MTMR12: variants seen among roughly 807,000 people sequenced by gnomAD.
MTMR12 encodes myotubularin-related protein 12.
MTMR12 carries 33 observed loss-of-function variants against 96.7 expected under a neutral mutation model. That is an observed-to-expected ratio of 0.34 (90% CI 0.26 to 0.46). MTMR12 has a LOEUF of 0.46. Ranked by LOEUF, MTMR12 falls within the 20% of genes least tolerant of loss-of-function variation. MTMR12 has a pLI of 1.00. For synonymous variants in MTMR12, 298 were observed against 327.2 expected, an observed-to-expected ratio of 0.91 and a Z score of 0.96; for missense variants, 721 against 896.1, an observed-to-expected ratio of 0.80 and a Z score of 2.49.
chr5:32,304,949 T>A (rs1216505881), intron 1 of MTMR12, among the ~76,000 whole-genome samples: 1 of 152,140 alleles, frequency 6.6e-6, no homozygotes, highest in Non-Finnish European at 1.5e-5. Context: ...AAAGTGACCA[T>A]CTCTGGAGAG....
chr5:32,295,344 T>C (rs1750885199), intron 1 of MTMR12, among the ~76,000 whole-genome samples: 1 of 152,254 alleles, frequency 6.6e-6, no homozygotes, highest in Admixed American at 6.5e-5. Context: ...AGTAAGAGGC[T>C]AACTGACAAC....
At chr5:32,250,152 C>G (rs1049484986) in intron 8 of MTMR12, among the ~76,000 whole-genome samples, 1 of 152,090 alleles carries the variant, frequency 6.6e-6, no homozygotes, top group South Asian at 2.1e-4. Context: ...CAAAGGGGAA[C>G]TGGTTCGGGA....
intron 1 of MTMR12, among the ~76,000 whole-genome samples, chr5:32,295,048 C>T (rs1750874432): frequency 6.6e-6 from 1 of 152,136 alleles, no homozygotes; most frequent in East Asian, 1.9e-4. Flanking sequence ...TGAATGAATC[C>T]ATCTACTATC....
At chr5:32,232,890 T>G in intron 15 of MTMR12, 1 of 908,230 alleles carries the variant, frequency 1.1e-6, no homozygotes, top group Non-Finnish European at 1.3e-6. Context: ...CCAGGCTTTC[T>G]GAAGCCCTCC....
intron 10 of MTMR12, among the ~76,000 whole-genome samples, chr5:32,245,399 T>C (rs1345133254): frequency 1.3e-5 from 2 of 152,216 alleles, no homozygotes; most frequent in African/African-American, 4.8e-5. Flanking sequence ...ACTTTTAAGG[T>C]AGATGCCTAA....
chr5:32,288,923 TGA>T (rs1750645471), intron 1 of MTMR12, among the ~76,000 whole-genome samples: 1 of 152,178 alleles, frequency 6.6e-6, no homozygotes, highest in Non-Finnish European at 1.5e-5. Context: ...GATATATCCT[TGA>T]CCAATGCTTT....
chr5:32,304,998 C>T (rs185625054), intron 1 of MTMR12, among the ~76,000 whole-genome samples: 11 of 152,272 alleles, frequency 7.2e-5, no homozygotes, highest in African/African-American at 1.7e-4. Context: ...ATGACCTCCA[C>T]GCTCAAAGAG....
In MTMR12 at chr5:32,233,849, T is replaced by C. The variant is rs1338038297; in HGVS notation, c.1598A>G (p.Gln533Arg). The change falls in exon 15 of 16, where the codon CAG becomes CGG. Residue 533 changes from glutamine (Q) to arginine (R), a missense_variant. Coordinates refer to ENST00000382142, the MANE Select transcript of MTMR12 (RefSeq NM_001040446.3). The surrounding 1 kb of genome is among the most constrained non-coding windows in gnomAD (Gnocchi z 5.0). ...DWSVQFEPKA[Q>R]TLLKNPLYVE... is the part of the protein sequence containing the mutation. ...ATAAAGAGGGTTTTTGAGCAATGTCTGGGCTTTGGGTTCAAACTGCACCGA... is the reference window on the plus strand; with the variant it reads ...ATAAAGAGGGTTTTTGAGCAATGTCCGGGCTTTGGGTTCAAACTGCACCGA... 1 of 1,614,198 alleles carries C rather than the reference T, an allele frequency of 6.2e-7. No homozygotes were observed. Among genetic ancestry groups the C allele is most frequent in the South Asian group, 1.1e-5 (1 of 91,082 alleles).
intron 14 of MTMR12, among the ~76,000 whole-genome samples, chr5:32,234,420 G>A (rs971199549): frequency 6.6e-6 from 1 of 152,198 alleles, no homozygotes; most frequent in African/African-American, 2.4e-5. Flanking sequence ...TCCAGGAAGG[G>A]CCAAAAGGGT....
In MTMR12 at chr5:32,229,826, GTCT is replaced by G; in HGVS notation, c.2193_2195del (p.Glu731del). On this transcript the variant is annotated inframe_deletion, in exon 16 of 16. Transcript: ENST00000382142. ...ACTCATCTTCTCGTTTGGCCAAATC[GTCT>G]TCATCTCCCAAAGCTTTCCAGCCAC... is the stretch of plus-strand genomic sequence containing the variant. 6.3e-7 allele frequency: 1 copy of G among 1,579,006 alleles called. No homozygotes were observed. Among genetic ancestry groups the G allele is most frequent in the Non-Finnish European group, 8.6e-7 (1 of 1,163,198 alleles).
Position 32,229,544 on chromosome 5 carries a change from G to C in MTMR12, c.*234C>G, listed in dbSNP as rs776033100. On this transcript the variant is annotated 3_prime_UTR_variant, in exon 16 of 16. Transcript: ENST00000382142. ...CAGAAAACGGCCACAACCCTATTACGGGTCAAGTAATAATTCCTTCCAATT... is the reference window on the plus strand; with the variant it reads ...CAGAAAACGGCCACAACCCTATTACCGGTCAAGTAATAATTCCTTCCAATT... 1.9e-5 allele frequency: 7 copies of C among 375,388 alleles called. No homozygotes were observed. Among genetic ancestry groups the C allele is most frequent in the Non-Finnish European group, 2.3e-5 (5 of 214,646 alleles). The allele number at this position is 375,388 out of a possible 1,614,324, so 23.3% of individuals were successfully genotyped here. A position where few individuals can be genotyped will look rare whatever the true frequency, so the allele number is the denominator to read the frequency against.
chr5:32,264,412 T>C (rs1455611820), intron 6 of MTMR12, among the ~76,000 whole-genome samples: 2 of 151,944 alleles, frequency 1.3e-5, no homozygotes, highest in East Asian at 1.9e-4. Context: ...ATGATGATAA[T>C]AGTGCTTATA....
intron 7 of MTMR12, among the ~76,000 whole-genome samples, chr5:32,260,531 T>C (rs1260403716): frequency 6.6e-6 from 1 of 151,794 alleles, no homozygotes; most frequent in Non-Finnish European, 1.5e-5. Context: ...CAACATCTTA[T>C]TACAAACTAT....
intron 1 of MTMR12, among the ~76,000 whole-genome samples, chr5:32,303,370 G>C (rs1751222745): frequency 6.6e-6 from 1 of 152,234 alleles, no homozygotes; most frequent in East Asian, 1.9e-4. Context: ...ATAAAGGAAG[G>C]GTGAGGCCCT....
intron 2 of MTMR12, among the ~76,000 whole-genome samples, chr5:32,275,185 T>C (rs1244222386): frequency 6.6e-6 from 1 of 152,166 alleles, no homozygotes; most frequent in Non-Finnish European, 1.5e-5. Context: ...GGTGCTGTTC[T>C]CTCATCTTTC....
At position 32,294,662 on chromosome 5, in the gene MTMR12, A is replaced by G. The variant is rs538142677; in HGVS notation, c.82-17920T>C. ...CTTACCTTGTCTGTCTTGCCAACCA[A>G]TGATACAAACTGAGGGCTGAGGCTG... On this transcript the variant is annotated intron_variant, in intron 1 of 15. Coordinates refer to ENST00000382142, the MANE Select transcript of MTMR12 (RefSeq NM_001040446.3). Among the ~76,000 whole-genome samples the G allele has an allele frequency of 1.3e-3, 197 of 152,266 alleles. 1 individual carries two copies. The highest frequency in any genetic ancestry group is 4.5e-3 in the African/African-American group (188 of 41,550).
chr5:32,286,070 T>C (rs970327384), intron 1 of MTMR12, among the ~76,000 whole-genome samples: 16 of 152,194 alleles, frequency 1.1e-4, no homozygotes, highest in African/African-American at 3.9e-4. Context: ...CCAGGCACAG[T>C]GGCTCATGTC....
At chr5:32,292,704 G>A (rs1750778590) in intron 1 of MTMR12, among the ~76,000 whole-genome samples, 1 of 152,158 alleles carries the variant, frequency 6.6e-6, no homozygotes, top group Non-Finnish European at 1.5e-5. Flanking sequence ...AGTCCAGGCA[G>A]GACTACAAAT....
At chr5:32,251,643 G>T (rs183643277) in intron 8 of MTMR12, among the ~76,000 whole-genome samples, 2 of 152,302 alleles carry the variant, frequency 1.3e-5, no homozygotes, top group East Asian at 3.9e-4. Context: ...CAAGACAGCC[G>T]CTTGACTACG....
Sources: allele counts gnomAD v4.1 joint callset (sites outside exome capture counted in the v4.1 genomes callset), GRCh38; gene constraint gnomAD v4.1.1; non-coding constraint Gnocchi (gnomAD v3.1); transcripts MANE v1.5; gene names NCBI Gene and HGNC (gene_info 2026-07-23, HGNC 2026-07-21).